PHYHIPL: variants seen among roughly 807,000 people sequenced by gnomAD.
PHYHIPL encodes the protein phytanoyl-CoA 2-hydroxylase interacting protein like.
A neutral mutation model predicts 33.4 loss-of-function variants in PHYHIPL; 9 were observed. The ratio of observed to expected loss-of-function variants is 0.27; its 90% CI spans 0.16 to 0.47. PHYHIPL has a LOEUF of 0.47. Among genes scored for constraint, PHYHIPL ranks in the 20% least tolerant of loss-of-function variants. The pLI is 0.99. For missense variants in PHYHIPL, 365 were observed against 460.7 expected, an observed-to-expected ratio of 0.79 and a Z score of 1.90; for synonymous variants, 153 against 154.1, an observed-to-expected ratio of 0.99 and a Z score of 0.05.
At chr10:59,182,050 A>T (rs1838425777) in intron 1 of PHYHIPL, among the ~76,000 whole-genome samples, 1 of 152,188 alleles carries the variant, frequency 6.6e-6, no homozygotes, top group Non-Finnish European at 1.5e-5. Context: ...CCTCTAACTT[A>T]TGTGAGTATA....
At chr10:59,199,559 G>C (rs1589268013) in intron 1 of PHYHIPL, among the ~76,000 whole-genome samples, 1 of 152,144 alleles carries the variant, frequency 6.6e-6, no homozygotes, top group Non-Finnish European at 1.5e-5. Flanking sequence ...GGTTCCATAT[G>C]AACTTTAAAG....
chr10:59,198,299 G>A (rs12780648), intron 1 of PHYHIPL, among the ~76,000 whole-genome samples: 3,522 of 152,002 alleles, frequency 0.023, 49 homozygotes, highest in Non-Finnish European at 0.036. Flanking sequence ...GAGAACATGC[G>A]GTGTTTGGTT....
At chr10:59,201,142 G>A (rs1387065421) in intron 1 of PHYHIPL, among the ~76,000 whole-genome samples, 1 of 152,070 alleles carries the variant, frequency 6.6e-6, no homozygotes. Context: ...TCTTTTAATT[G>A]TGATGTTAGG....
chr10:59,183,619 C>G, intron 1 of PHYHIPL: 1 of 981,476 alleles, frequency 1.0e-6, no homozygotes, highest in Non-Finnish European at 1.2e-6. Flanking sequence ...AAATCTACAA[C>G]CAGGTTTGTT....
At chr10:59,192,087 C>G (rs1489824637) in intron 1 of PHYHIPL, among the ~76,000 whole-genome samples, 1 of 152,064 alleles carries the variant, frequency 6.6e-6, no homozygotes, top group Non-Finnish European at 1.5e-5. Flanking sequence ...AACAAACACA[C>G]ATGAAACAGA....
At chr10:59,226,309 T>C (rs1839920674) in intron 1 of PHYHIPL, among the ~76,000 whole-genome samples, 1 of 152,170 alleles carries the variant, frequency 6.6e-6, no homozygotes, top group African/African-American at 2.4e-5. Flanking sequence ...TAAATGATGA[T>C]ATACATGGAG....
intron 4 of PHYHIPL, among the ~76,000 whole-genome samples, chr10:59,242,144 G>C (rs1840422121): frequency 6.6e-6 from 1 of 152,168 alleles, no homozygotes; most frequent in Admixed American, 6.5e-5. Context: ...AGAGAAGCCT[G>C]AATAGGGAGC....
rs553751206 is a variant in PHYHIPL at position 59,223,145 on chromosome 10, T to C, written c.107-11159T>C. Reference sequence around the variant, plus strand: ...GGGATATTAGCATAATGGAGGTATGTAATTTGTGATAAATGTTCAGAGGTT... The same window carrying C: ...GGGATATTAGCATAATGGAGGTATGCAATTTGTGATAAATGTTCAGAGGTT... On this transcript the variant is annotated intron_variant, in intron 1 of 4. Transcript: ENST00000373880. 7.9e-5 allele frequency among the ~76,000 whole-genome samples: 12 copies of C among 152,336 alleles called. No homozygotes were observed. In the East Asian group the frequency reaches 2.1e-3, roughly 27 times the overall value.
At chr10:59,238,534 G>A in intron 3 of PHYHIPL, 54 bp from the exon 4 acceptor site, 1 of 983,276 alleles carries the variant, frequency 1.0e-6, no homozygotes, top group Non-Finnish European at 1.6e-6. Flanking sequence ...TAAGTATATG[G>A]TTGGTACTTT....
intron 1 of PHYHIPL, among the ~76,000 whole-genome samples, chr10:59,223,949 T>C (rs1564454790): frequency 6.6e-6 from 1 of 152,162 alleles, no homozygotes; most frequent in Non-Finnish European, 1.5e-5. Context: ...CATGATCCAC[T>C]GCACCCAGCC....
chr10:59,185,433 A>G (rs2133187615), intron 1 of PHYHIPL, among the ~76,000 whole-genome samples: 1 of 152,276 alleles, frequency 6.6e-6, no homozygotes, highest in Middle Eastern at 3.4e-3. Context: ...ATACGTGTGC[A>G]TGTGTCTTTA....
At chr10:59,237,707 CA>C (rs1413252284) in intron 3 of PHYHIPL, among the ~76,000 whole-genome samples, 4 of 152,022 alleles carry the variant, frequency 2.6e-5, no homozygotes, top group African/African-American at 9.6e-5. Context: ...TAGAATGCCA[CA>C]GGCTAATCTA....
rs371556997 is a variant in PHYHIPL, at chr10:59,230,789, T to C, written c.107-3515T>C. Among the ~76,000 whole-genome samples the C allele has an allele frequency of 7.2e-5, 11 of 152,304 alleles. No individual in the cohort carries two copies. In the East Asian group the frequency reaches 1.2e-3, roughly 16 times the overall value. On this transcript the variant is annotated intron_variant, in intron 1 of 4. Transcript: ENST00000373880. ...TCAAGCAATACATGTAATATTTACA[T>C]TGGTTTTATCTAGAAGGGCAGTTAA... is the stretch of plus-strand genomic sequence containing the variant.
At position 59,245,157 on chromosome 10, in the gene PHYHIPL, A is replaced by G. The variant is rs1275467315; in HGVS notation, c.697A>G (p.Ser233Gly). ...GKLEGIFFSC[S>G]TEFNTGKPPQ... Reference sequence around the variant, plus strand: ...ATTAGAAGGCATCTTCTTCAGCTGCAGCACTGAATTCAATACTGGAAAGCC... The same window carrying G: ...ATTAGAAGGCATCTTCTTCAGCTGCGGCACTGAATTCAATACTGGAAAGCC... Residue 233 changes from serine to glycine, a missense_variant, in exon 5 of 5, where the codon AGC becomes GGC. This residue lies in a region of PHYHIPL where 196 missense variants were observed against 224.9 expected (regional missense o/e 0.87). Coordinates refer to ENST00000373880, the MANE Select transcript of PHYHIPL (RefSeq NM_032439.4). 2 of 1,614,154 alleles carry G rather than the reference A, an allele frequency of 1.2e-6. No individual in the cohort carries two copies. Among genetic ancestry groups the G allele is most frequent in the Non-Finnish European group, 1.7e-6 (2 of 1,180,020 alleles).
chr10:59,210,618 T>C (rs931242621), intron 1 of PHYHIPL, among the ~76,000 whole-genome samples: 2 of 152,180 alleles, frequency 1.3e-5, no homozygotes, highest in African/African-American at 4.8e-5. Flanking sequence ...TATAAATACA[T>C]GTGCACACAT....
At chr10:59,217,832 T>C (rs999136482) in intron 1 of PHYHIPL, among the ~76,000 whole-genome samples, 5 of 152,066 alleles carry the variant, frequency 3.3e-5, no homozygotes, top group African/African-American at 9.7e-5. Flanking sequence ...ACCTTCTTTT[T>C]TGAGAAACAG....
intron 1 of PHYHIPL, among the ~76,000 whole-genome samples, chr10:59,219,948 A>G (rs1839718354): frequency 6.6e-6 from 1 of 152,174 alleles, no homozygotes; most frequent in Admixed American, 6.5e-5. Context: ...GCAGACAAAT[A>G]GAATTATGCA....
chr10:59,235,079 T>C (rs1840184652), intron 2 of PHYHIPL, among the ~76,000 whole-genome samples: 1 of 151,884 alleles, frequency 6.6e-6, no homozygotes, highest in African/African-American at 2.4e-5. Flanking sequence ...TTTTTTTCTA[T>C]AACTGCCAAA....
chr10:59,217,889 T>C (rs750899702), intron 1 of PHYHIPL, among the ~76,000 whole-genome samples: 8 of 152,104 alleles, frequency 5.3e-5, no homozygotes, highest in Non-Finnish European at 1.0e-4. Context: ...GTCTTTCATA[T>C]CCAGGGATTC....
Sources: gnomAD v4.1 joint callset for allele counts (sites outside exome capture counted in the v4.1 genomes callset) on GRCh38, gnomAD v4.1.1 for gene constraint, gnomAD v4.1.1 regional missense constraint, MANE v1.5 for transcripts, NCBI Gene and HGNC (gene_info 2026-07-23, HGNC 2026-07-21) for gene names.